The following EXO1 variants were observed in gnomAD, a reference collection of about 807,000 sequenced individuals.
EXO1 encodes the protein exonuclease 1.
In EXO1, 69 loss-of-function variants were observed where a neutral mutation model predicts 84.5. The observed-to-expected ratio is 0.82, with a 90% CI of 0.67 to 1.00. EXO1 has a LOEUF of 1.00. Ranked by LOEUF, EXO1 falls within the 50% of genes least tolerant of loss-of-function variation. EXO1 has a pLI of 0.00. For missense variants in EXO1, 1,045 were observed against 1,000.7 expected (o/e 1.04, Z -0.60); for synonymous variants, 373 against 366.1 (o/e 1.02, Z -0.21).
intron 11 of EXO1, among the ~76,000 whole-genome samples, chr1:241,868,094 G>T (rs1013863647): frequency 6.6e-6 from 1 of 152,052 alleles, no homozygotes; most frequent in Non-Finnish European, 1.5e-5. Context: ...AATTTTTAAG[G>T]CCGGGTGCGG....
chr1:241,872,181 G>A lies in EXO1; in HGVS notation c.1417G>A (p.Val473Ile), dbSNP rs1003361891. 9 of 1,613,844 alleles carry A rather than the reference G, an allele frequency of 5.6e-6. No individual in the cohort carries two copies. In the African/African-American group the frequency reaches 9.3e-5, roughly 17 times the overall value. Residue 473 changes from valine (V) to isoleucine (I), a missense_variant, in exon 12 of 16, where the codon GTA becomes ATA. Transcript: ENST00000366548. ...LVNGPTNKKS[V>I]STPPRTRNKF... ...AAATGGACCTACTAACAAAAAGAGT[G>A]TAAGCACTCCACCTAGGACGAGAAA... is the stretch of plus-strand genomic sequence containing the variant.
rs775239515 is a variant in EXO1 at position 241,872,180 on chromosome 1, T to A, written c.1416T>A (p.Ser472Arg). 2 of 1,613,700 alleles carry A rather than the reference T, an allele frequency of 1.2e-6. No individual in the cohort carries two copies. Among genetic ancestry groups the A allele is most frequent in the South Asian group, 2.2e-5 (2 of 91,056 alleles). Residue 472 changes from serine (S) to arginine (R), a missense_variant, in exon 12 of 16, where the codon AGT (serine) becomes AGA (arginine). By Grantham distance (110) the Ser-to-Arg change is moderately radical. Transcript: ENST00000366548. ...TAAATGGACCTACTAACAAAAAGAG[T>A]GTAAGCACTCCACCTAGGACGAGAA... ...DLVNGPTNKKSVSTPPRTRNK... is the reference protein window; with the variant it reads ...DLVNGPTNKKRVSTPPRTRNK...
At chr1:241,883,932 A>G (rs552456569) in intron 14 of EXO1, among the ~76,000 whole-genome samples, 6 of 152,290 alleles carry the variant, frequency 3.9e-5, no homozygotes, top group African/African-American at 1.4e-4. Context: ...TTATTCTCAG[A>G]CATTTGCATT....
chr1:241,861,472 G>A lies in EXO1; in HGVS notation c.1011G>A (p.Gln337=), dbSNP rs368445876. ...LGNKDINTFE[Q]IDDYNPDTAM... ...ATAAAGATATAAATACTTTTGAACA[G>A]ATCGATGACTACAATCCAGACACTG... Residue 337 remains glutamine, a synonymous_variant, in exon 10 of 16, where the codon CAG becomes CAA. Transcript: ENST00000366548. 4.0e-5 allele frequency: 64 copies of A among 1,591,092 alleles called. No individual in the cohort carries two copies. Among genetic ancestry groups the A allele is most frequent in the Non-Finnish European group, 5.3e-5 (61 of 1,159,204 alleles).
chr1:241,865,449 G>A (rs1661660054), intron 10 of EXO1, among the ~76,000 whole-genome samples: 1 of 151,330 alleles, frequency 6.6e-6, no homozygotes, highest in African/African-American at 2.4e-5. Flanking sequence ...GACCTCAGGT[G>A]ATCCACCTGC....
Position 241,872,176 on chromosome 1 carries a change from A to C in EXO1, c.1412A>C (p.Lys471Thr). The C allele has an allele frequency of 6.2e-7, 1 of 1,614,120 alleles. No homozygotes were observed. The highest frequency in any genetic ancestry group is 1.1e-5 in the South Asian group (1 of 91,080). Reference sequence around the variant, plus strand: ...CTGGTAAATGGACCTACTAACAAAAAGAGTGTAAGCACTCCACCTAGGACG... The same window carrying C: ...CTGGTAAATGGACCTACTAACAAAACGAGTGTAAGCACTCCACCTAGGACG... The part of the protein sequence containing the change: ...PDLVNGPTNK[K>T]SVSTPPRTRN... Residue 471 changes from lysine (K) to threonine (T), a missense_variant, in exon 12 of 16, where the codon AAG becomes ACG. Lys to Thr is a moderately conservative substitution (Grantham distance 78). Transcript: ENST00000366548.
rs374566461 is a variant in EXO1, at chr1:241,878,888, G to A, written c.1654G>A (p.Asp552Asn). ...YGDQEGKRLV[D>N]TDVARNSSDD... is the part of the protein sequence containing the mutation. ...AGACCAAGAAGGCAAGAGACTGGTTGACACAGATGTAGCACGTAATTCAAG... is the reference window on the plus strand; with the variant it reads ...AGACCAAGAAGGCAAGAGACTGGTTAACACAGATGTAGCACGTAATTCAAG... The change falls in exon 13 of 16, where the codon GAC becomes AAC. Residue 552 changes from aspartate (D) to asparagine (N), a missense_variant. By Grantham distance (23) the Asp-to-Asn change is conservative (BLOSUM62 1). Transcript: ENST00000366548. The A allele has an allele frequency of 1.4e-5, 22 of 1,614,036 alleles. No homozygotes were observed. The highest frequency in any genetic ancestry group is 5.0e-5 in the Admixed American group (3 of 60,004).
Position 241,878,853 on chromosome 1 carries a change from C to G in EXO1, c.1619C>G (p.Ser540Ter), listed in dbSNP as rs1662561429. Residue 540 changes from serine to a stop codon, truncating the protein, a stop_gained, in exon 13 of 16, where the codon TCA becomes TGA. Transcript: ENST00000366548. LOFTEE classifies it high-confidence loss of function. Reference sequence around the variant, plus strand: ...GATAAAGAGAACAATCTGCATGAATCAGAGTATGGAGACCAAGAAGGCAAG... The same window carrying G: ...GATAAAGAGAACAATCTGCATGAATGAGAGTATGGAGACCAAGAAGGCAAG... ...VTDKENNLHE[S>*]EYGDQEGKRL... The G allele has an allele frequency of 2.5e-6, 4 of 1,613,976 alleles. No individual in the cohort carries two copies. The East Asian group carries it at 6.7e-5, about 27-fold the overall frequency.
chr1:241,862,180 T>C (rs1776134), intron 10 of EXO1, among the ~76,000 whole-genome samples: 99,247 of 152,108 alleles, frequency 0.65, 33,344 homozygotes, highest in East Asian at 0.8. Flanking sequence ...TCGGGTGATC[T>C]GCCCACCTCG....
intron 4 of EXO1, 102 bp from the exon 5 acceptor site, chr1:241,852,190 A>G (rs1660708524): frequency 2.9e-6 from 3 of 1,052,544 alleles, no homozygotes; most frequent in Non-Finnish European, 4.3e-6. Context: ...TAACAAAATA[A>G]AAAACCTTCT....
intron 12 of EXO1, among the ~76,000 whole-genome samples, chr1:241,878,495 C>CA (rs34265528): frequency 0.045 from 5,834 of 129,872 alleles, 411 homozygotes; most frequent in African/African-American, 0.15. Flanking sequence ...GACTCTGTCT[C>CA]AAAAAAAAAA....
chr1:241,885,363 A>G lies in EXO1; in HGVS notation c.2261A>G (p.Lys754Arg). 6.2e-7 allele frequency: 1 copy of G among 1,614,034 alleles called. No individual in the cohort carries two copies. Among genetic ancestry groups the G allele is most frequent in the Non-Finnish European group, 8.5e-7 (1 of 1,179,954 alleles). Reference sequence around the variant, plus strand: ...TCTGCAGACTCTCTTTCTACAACCAAGATCAAACCTCTAGGACCTGCCAGA... The same window carrying G: ...TCTGCAGACTCTCTTTCTACAACCAGGATCAAACCTCTAGGACCTGCCAGA... ...SSSADSLSTTKIKPLGPARAS... is the reference protein window; with the variant it reads ...SSSADSLSTTRIKPLGPARAS... Residue 754 changes from lysine (K) to arginine (R), a missense_variant, in exon 15 of 16, where the codon AAG (lysine) becomes AGG (arginine). Lys to Arg is a conservative substitution (Grantham distance 26). Transcript: ENST00000366548.
rs1372204767 is a variant in EXO1 at position 241,858,507 on chromosome 1, T to A, written c.545T>A (p.Val182Glu). ...SDLLAFGCKK[V>E]ILKMDQFGNG... ...TAACAATTTCCCTTCCTTTTGAAGG[T>A]AATTTTAAAGATGGACCAGTTTGGA... The change falls in exon 8 of 16, where the codon GTA becomes GAA. Residue 182 changes from valine (V) to glutamate (E), a missense_variant and splice_region_variant. Coordinates refer to ENST00000366548, the MANE Select transcript of EXO1 (RefSeq NM_130398.4). The A allele has an allele frequency of 4.3e-6, 7 of 1,611,018 alleles. No individual in the cohort carries two copies. The highest frequency in any genetic ancestry group is 5.9e-6 in the Non-Finnish European group (7 of 1,177,220).
intron 11 of EXO1, 106 bp from the exon 12 acceptor site, chr1:241,871,926 T>TC: frequency 1.3e-6 from 1 of 775,194 alleles, no homozygotes. Context: ...TTTTTTTTTT[T>TC]TTTAAAGTCC....
rs560833282 is a variant in EXO1, at chr1:241,871,910, AGTTT to A, written c.1268-121_1268-118del. 7.4e-4 allele frequency: 418 copies of A among 562,388 alleles called. No homozygotes were observed. The African/African-American group carries it at 9.0e-3, about 12-fold the overall frequency. 34.8% of individuals were successfully genotyped at this position (562,388 alleles called of 1,614,324 possible). A position where few individuals can be genotyped will look rare whatever the true frequency, so the allele number is the denominator to read the frequency against. On this transcript the variant is annotated intron_variant, in intron 11 of 15. Transcript: ENST00000366548. ...CCTTATGTTTTCTTTTCTGAGGCAT[AGTTT>A]TTTTTTTTTTTTTTTAAAGTCCTTA...
intron 4 of EXO1, 38 bp from the exon 5 acceptor site, chr1:241,852,253 GA>G: frequency 6.3e-7 from 1 of 1,574,922 alleles, no homozygotes; most frequent in Non-Finnish European, 8.7e-7. Context: ...ATTACCTTAA[GA>G]AAGGTGAAGC....
chr1:241,853,628 C>G (rs1458111738), intron 6 of EXO1, 147 bp downstream of exon 6: 4 of 789,678 alleles, frequency 5.1e-6, no homozygotes, highest in Non-Finnish European at 2.1e-6. Flanking sequence ...GGAACAGCAT[C>G]ACTAGATAGA....
intron 15 of EXO1, among the ~76,000 whole-genome samples, chr1:241,886,560 C>T (rs1181950302): frequency 6.6e-6 from 1 of 152,100 alleles, no homozygotes; most frequent in Non-Finnish European, 1.5e-5. Context: ...TCTTATTTTA[C>T]ATTGTGTAAA....
At position 241,889,679 on chromosome 1, in the gene EXO1, C is replaced by G; in HGVS notation, c.*79C>G. On this transcript the variant is annotated 3_prime_UTR_variant, in exon 16 of 16. Transcript: ENST00000366548. ...CCCTGTTTGGGAATGAGGCACTTATCAGCATGAAGAATTTTTTCTCATTCT... is the reference window on the plus strand; with the variant it reads ...CCCTGTTTGGGAATGAGGCACTTATGAGCATGAAGAATTTTTTCTCATTCT... 7.3e-7 allele frequency: 1 copy of G among 1,376,460 alleles called. No homozygotes were observed. Among genetic ancestry groups the G allele is most frequent in the Non-Finnish European group, 1.0e-6 (1 of 965,430 alleles). The allele number at this position is 1,376,460 out of a possible 1,614,324, so 85.3% of individuals were successfully genotyped here.
Sources: allele counts gnomAD v4.1 joint callset (sites outside exome capture counted in the v4.1 genomes callset), GRCh38; gene constraint gnomAD v4.1.1; transcripts MANE v1.5; gene names NCBI Gene and HGNC (gene_info 2026-07-23, HGNC 2026-07-21).